Variants in CYBB observed in about 807,000 individuals in gnomAD.
CYBB encodes NADPH oxidase 2.
A neutral mutation model predicts 46.5 loss-of-function variants in CYBB; 5 were observed. The ratio of observed to expected loss-of-function variants is 0.11; its 90% CI spans 0.06 to 0.23. The LOEUF is 0.23. CYBB is among the 10% of genes least tolerant of loss of function. CYBB has a pLI of 1.00. For missense variants in CYBB, 307 were observed against 428.3 expected, an observed-to-expected ratio of 0.72 and a Z score of 2.50; for synonymous variants, 183 against 156.7, an observed-to-expected ratio of 1.17 and a Z score of -1.26.
intron 12 of CYBB, among the ~76,000 whole-genome samples, chrX:37,809,917 C>T (rs1602185877): frequency 9.0e-6 from 1 of 111,670 alleles, no homozygotes; most frequent in African/African-American, 3.3e-5. Flanking sequence ...TTTCCAGGTC[C>T]CCATCTCAGA....
At chrX:37,790,565 C>G (rs1177680544) in intron 3 of CYBB, among the ~76,000 whole-genome samples, 5 of 110,779 alleles carry the variant, frequency 4.5e-5, no homozygotes, top group Admixed American at 9.6e-5. Flanking sequence ...TTTATTTTTC[C>G]TTTTTCTGGA....
intron 12 of CYBB, among the ~76,000 whole-genome samples, chrX:37,810,483 GAAGGA>G (rs1556472973): frequency 8.9e-6 from 1 of 112,167 alleles, no homozygotes; most frequent in Non-Finnish European, 1.9e-5. Flanking sequence ...ACAGAGCCCT[GAAGGA>G]AAGTAGCCCA....
chrX:37,796,010 C>A lies in CYBB; in HGVS notation c.543C>A (p.Val181=), dbSNP rs2146811690. 1 of 1,208,476 alleles carries A rather than the reference C, an allele frequency of 8.3e-7. No homozygotes were observed. Among genetic ancestry groups the A allele is most frequent in the Non-Finnish European group, 1.1e-6 (1 of 893,524 alleles). ...VTLLAGITGV[V]ITLCLILIIT... is the part of the protein sequence containing the mutation. ...TGTTGGCAGGCATCACTGGAGTTGT[C>A]ATCACGCTGTGCCTCATATTAATTA... Residue 181 remains valine, a synonymous_variant, in exon 6 of 13, where the codon GTC becomes GTA. Transcript: ENST00000378588.
At position 37,809,633 on chromosome X, in the gene CYBB, T is replaced by C; in HGVS notation, c.1528T>C (p.Leu510=). The change falls in exon 12 of 13, where the codon TTG becomes CTG. Residue 510 remains leucine, a synonymous_variant. Transcript: ENST00000378588. ...GATCACAGGCCTGAAACAAAAGACT[T>C]TGTATGGACGGCCCAACTGGGATAA... The part of the protein sequence containing the change: ...DVITGLKQKT[L]YGRPNWDNEF... 2 of 1,206,877 alleles carry C rather than the reference T, an allele frequency of 1.7e-6. No individual in the cohort carries two copies. The highest frequency in any genetic ancestry group is 2.2e-6 in the Non-Finnish European group (2 of 892,704).
Position 37,780,072 on chromosome X carries a change from GCCA to G in CYBB, c.-2_1del. 1.7e-6 allele frequency: 2 copies of G among 1,209,368 alleles called. No individual in the cohort carries two copies. The highest frequency in any genetic ancestry group is 2.2e-6 in the Non-Finnish European group (2 of 893,394). On this transcript the variant is annotated 5_prime_UTR_variant, in exon 1 of 13. Transcript: ENST00000378588. ...GGCAAACACAACACATTCAACCTCTGCCACCATGGGGAACTGGGCTGTGAATGA... is the reference window on the plus strand; with the variant it reads ...GGCAAACACAACACATTCAACCTCTGCCATGGGGAACTGGGCTGTGAATGA...
At chrX:37,804,270 C>A in intron 9 of CYBB, 140 bp downstream of exon 9, 1 of 581,436 alleles carries the variant, frequency 1.7e-6, no homozygotes, top group Non-Finnish European at 2.8e-6. Context: ...CTGTGGTCAC[C>A]GTTTCATATG....
At chrX:37,810,652 C>T (rs1398405819) in intron 12 of CYBB, 139 bp from the exon 13 acceptor site, 3 of 571,743 alleles carry the variant, frequency 5.2e-6, no homozygotes, top group Non-Finnish European at 8.7e-6. Flanking sequence ...CAATATGATC[C>T]CTTTGCTATT....
At position 37,810,769 on chromosome X, in the gene CYBB, CTT is replaced by C; in HGVS notation, c.1587-14_1587-13del. On this transcript the variant is annotated intron_variant, in intron 12 of 12. Transcript: ENST00000378588. ...ATCTCATCCCAAAGCTTGAAATTGT[CTT>C]TTTTTTTCTTTCCCAAAAGTACCAG... 1 of 1,190,239 alleles carries C rather than the reference CTT, an allele frequency of 8.4e-7. No individual in the cohort carries two copies. The highest frequency in any genetic ancestry group is 1.8e-5 in the South Asian group (1 of 56,433).
intron 3 of CYBB, among the ~76,000 whole-genome samples, chrX:37,787,923 T>A (rs1929106630): frequency 8.9e-6 from 1 of 112,010 alleles, no homozygotes; most frequent in African/African-American, 3.2e-5. Flanking sequence ...TGTGCCCTGA[T>A]GGTTGGACCC....
At chrX:37,806,236 C>T (rs1450840245) in intron 10 of CYBB, 151 bp from the exon 11 acceptor site, 1 of 598,678 alleles carries the variant, frequency 1.7e-6, no homozygotes, top group Non-Finnish European at 2.8e-6. Context: ...GTAAACTACC[C>T]TGTGAAATGT....
chrX:37,782,365 C>T (rs1468116155), intron 2 of CYBB, among the ~76,000 whole-genome samples, 182 bp downstream of exon 2: 1 of 112,306 alleles, frequency 8.9e-6, no homozygotes, highest in Admixed American at 9.4e-5. Flanking sequence ...CAGTCTGGGA[C>T]CAACAAAAGT....
chrX:37,788,689 C>A (rs143681625), intron 3 of CYBB, among the ~76,000 whole-genome samples: 1,404 of 111,039 alleles, frequency 0.013, 23 homozygotes, highest in African/African-American at 0.043. Flanking sequence ...GACTGGGACC[C>A]AACATAGGTA....
intron 10 of CYBB, 147 bp from the exon 11 acceptor site, chrX:37,806,240 G>A (rs1390283840): frequency 1.1e-5 from 7 of 621,737 alleles, no homozygotes; most frequent in South Asian, 9.5e-5. Context: ...ACTACCCTGT[G>A]AAATGTCCAG....
Position 37,789,060 on chromosome X carries a change from G to T in CYBB, c.253-2915G>T, listed in dbSNP as rs782759751. Reference sequence around the variant, plus strand: ...AGTTCATTACAGATGTAGCACTAGAGGTCCCTGTTTCCTTGCTGGTGATCA... The same window carrying T: ...AGTTCATTACAGATGTAGCACTAGATGTCCCTGTTTCCTTGCTGGTGATCA... On this transcript the variant is annotated intron_variant, in intron 3 of 12. Coordinates refer to ENST00000378588, the MANE Select transcript of CYBB (RefSeq NM_000397.4). Among the ~76,000 whole-genome samples, 23 of 111,104 alleles carry T rather than the reference G, an allele frequency of 2.1e-4. No individual in the cohort carries two copies. In the East Asian group the frequency reaches 3.1e-3, roughly 15 times the overall value.
intron 3 of CYBB, among the ~76,000 whole-genome samples, chrX:37,786,215 T>C (rs1556465505): frequency 9.0e-6 from 1 of 111,649 alleles, no homozygotes; most frequent in East Asian, 2.8e-4. Flanking sequence ...CTGCCACTCA[T>C]TGAAGCTTAA....
intron 6 of CYBB, among the ~76,000 whole-genome samples, chrX:37,796,517 A>G (rs1298499960): frequency 9.0e-6 from 1 of 111,601 alleles, no homozygotes; most frequent in Non-Finnish European, 1.9e-5. Context: ...TTAATGATTA[A>G]TCAGTTGAAG....
intron 9 of CYBB, 100 bp from the exon 10 acceptor site, chrX:37,804,906 T>C (rs890001668): frequency 3.6e-5 from 32 of 880,255 alleles, no homozygotes; most frequent in Non-Finnish European, 5.3e-5. Context: ...TTATTCCAAT[T>C]TGAATTAACA....
chrX:37,801,722 A>G (rs1641166097), intron 8 of CYBB, among the ~76,000 whole-genome samples: 2 of 108,916 alleles, frequency 1.8e-5, no homozygotes, highest in Admixed American at 1.0e-4. Context: ...GGTGAGTTCA[A>G]AGGGGCATAA....
intron 7 of CYBB, among the ~76,000 whole-genome samples, chrX:37,799,967 A>G (rs1461501264): frequency 9.0e-6 from 1 of 110,965 alleles, no homozygotes; most frequent in Non-Finnish European, 1.9e-5. Flanking sequence ...CTCTCTTAGC[A>G]TAGGAGCACT....
Sources: allele counts gnomAD v4.1 joint callset (sites outside exome capture counted in the v4.1 genomes callset), GRCh38; gene constraint gnomAD v4.1.1; transcripts MANE v1.5; gene names NCBI Gene and HGNC (gene_info 2026-07-23, HGNC 2026-07-21).